OSBPL11: variants seen among roughly 807,000 people sequenced by gnomAD.
OSBPL11 encodes the protein oxysterol-binding protein-related protein 11.
A neutral mutation model predicts 84.4 loss-of-function variants in OSBPL11; 33 were observed. That is an observed-to-expected ratio of 0.39 (90% CI 0.30 to 0.52). The LOEUF (loss-of-function observed/expected upper bound fraction) is 0.52. OSBPL11 is among the 20% of genes least tolerant of loss of function. The pLI is 0.72. For synonymous variants in OSBPL11, 276 were observed against 310.2 expected, an observed-to-expected ratio of 0.89 and a Z score of 1.16; for missense variants, 736 against 901.1, an observed-to-expected ratio of 0.82 and a Z score of 2.35.
chr3:125,563,681 T>C lies in OSBPL11; in HGVS notation c.1014+17A>G. The C allele has an allele frequency of 1.2e-6, 2 of 1,609,202 alleles. No homozygotes were observed. The highest frequency in any genetic ancestry group is 1.7e-6 in the Non-Finnish European group (2 of 1,178,982). On this transcript the variant is annotated intron_variant, in intron 7 of 12. Coordinates refer to ENST00000296220, the MANE Select transcript of OSBPL11 (RefSeq NM_022776.5). ...CCTAATTTTTCACATCAAAATCATA[T>C]TTTTATATTACCTTACCCTCGCTAA...
In OSBPL11 at chr3:125,552,508, C is replaced by T; in HGVS notation, c.1327G>A (p.Ala443Thr). ...LTSFHEGRKG[A>T]IAKKPYNPII... Reference sequence around the variant, plus strand: ...GGATTGTATGGTTTTTTAGCAATGGCTCCCTTACGGCCTTCATGAAATGAG... The same window carrying T: ...GGATTGTATGGTTTTTTAGCAATGGTTCCCTTACGGCCTTCATGAAATGAG... Residue 443 changes from alanine to threonine, a missense_variant, in exon 9 of 13, where the codon GCC becomes ACC. Ala to Thr is a moderately conservative substitution (Grantham distance 58). Transcript: ENST00000296220. 1 of 1,614,202 alleles carries T rather than the reference C, an allele frequency of 6.2e-7. No homozygotes were observed. Among genetic ancestry groups the T allele is most frequent in the Non-Finnish European group, 8.5e-7 (1 of 1,180,034 alleles).
intron 3 of OSBPL11, 27 bp downstream of exon 3, chr3:125,579,822 AAAGAGGAAAATCACAG>A (rs1177592524): frequency 6.3e-7 from 1 of 1,586,300 alleles, no homozygotes; most frequent in Non-Finnish European, 8.6e-7. Flanking sequence ...CTTCTCAAAA[AAAGAGGAAAATCACAG>A]TATTAATTCT....
chr3:125,570,513 G>C (rs1936228265), intron 5 of OSBPL11, among the ~76,000 whole-genome samples: 1 of 152,022 alleles, frequency 6.6e-6, no homozygotes, highest in Non-Finnish European at 1.5e-5. Flanking sequence ...CAAAAACAAA[G>C]TACATATATG....
intron 4 of OSBPL11, among the ~76,000 whole-genome samples, chr3:125,577,632 A>C (rs761057715): frequency 3.3e-5 from 5 of 152,054 alleles, no homozygotes; most frequent in Non-Finnish European, 7.4e-5. Context: ...GTTCGAGACC[A>C]GCCTGGCCAA....
chr3:125,571,885 C>T (rs552046565), intron 5 of OSBPL11, among the ~76,000 whole-genome samples: 1 of 152,368 alleles, frequency 6.6e-6, no homozygotes, highest in South Asian at 2.1e-4. Flanking sequence ...AGAGTCCCTA[C>T]TGGGGTACCA....
At position 125,529,241 on chromosome 3, in the gene OSBPL11, GTGT is replaced by G. The variant is rs1935521490; in HGVS notation, c.*1271_*1273del. ...AAATTAAGGTAGCTTGCAGTAACAA[GTGT>G]TGAGCACCATAATAAGTAGGTGCTC... On this transcript the variant is annotated 3_prime_UTR_variant, in exon 13 of 13. Transcript: ENST00000296220. 6.6e-6 allele frequency: 1 copy of G among 152,528 alleles called. No homozygotes were observed. The highest frequency in any genetic ancestry group is 2.4e-5 in the African/African-American group (1 of 41,436). The allele number at this position is 152,528 out of a possible 1,614,324, so 9.4% of individuals were successfully genotyped here. A position where few individuals can be genotyped will look rare whatever the true frequency, so the allele number is the denominator to read the frequency against.
intron 2 of OSBPL11, among the ~76,000 whole-genome samples, chr3:125,580,658 A>T (rs1182497383): frequency 6.6e-6 from 1 of 152,128 alleles, no homozygotes; most frequent in African/African-American, 2.4e-5. Flanking sequence ...TTTCAGAGAC[A>T]GATTTTTCCC....
intron 7 of OSBPL11, 90 bp from the exon 8 acceptor site, chr3:125,560,609 T>A: frequency 8.3e-7 from 1 of 1,204,078 alleles, no homozygotes; most frequent in Non-Finnish European, 1.1e-6. Context: ...CTTGAAGACA[T>A]TTGTATTTGA....
chr3:125,541,239 G>A (rs1304992174), intron 10 of OSBPL11, among the ~76,000 whole-genome samples: 1 of 152,172 alleles, frequency 6.6e-6, no homozygotes, highest in East Asian at 1.9e-4. Context: ...AAGACTGTAA[G>A]CTCTTTAACA....
At chr3:125,554,756 A>G (rs1029632470) in intron 8 of OSBPL11, among the ~76,000 whole-genome samples, 1 of 152,170 alleles carries the variant, frequency 6.6e-6, no homozygotes, top group Non-Finnish European at 1.5e-5. Context: ...AAAAGTCAAA[A>G]GAAGAGTTAA....
chr3:125,538,464 G>T lies in OSBPL11; in HGVS notation c.2011C>A (p.Pro671Thr). 2 of 1,613,446 alleles carry T rather than the reference G, an allele frequency of 1.2e-6. No individual in the cohort carries two copies. The highest frequency in any genetic ancestry group is 1.7e-6 in the Non-Finnish European group (2 of 1,179,640). Reference sequence around the variant, plus strand: ...AGGATGACATACCTGGATTCAAATGGATCCTGCTTCTCCAGAGGTCTCACT... The same window carrying T: ...AGGATGACATACCTGGATTCAAATGTATCCTGCTTCTCCAGAGGTCTCACT... ...KRVRPLEKQD[P>T]FESRRLWKNV... Residue 671 changes from proline to threonine, a missense_variant, in exon 11 of 13, where the codon CCA becomes ACA. By Grantham distance (38) the Pro-to-Thr change is conservative. This residue lies in a region of OSBPL11 where 579 missense variants were observed against 717.6 expected (regional missense o/e 0.81). Transcript: ENST00000296220.
At chr3:125,566,531 CAG>C (rs1181237115) in intron 6 of OSBPL11, among the ~76,000 whole-genome samples, 6 of 152,130 alleles carry the variant, frequency 3.9e-5, no homozygotes, top group Non-Finnish European at 8.8e-5. Context: ...GTCTCCTGAG[CAG>C]AGACTCTACC....
At chr3:125,555,554 C>T (rs1935980395) in intron 8 of OSBPL11, among the ~76,000 whole-genome samples, 2 of 152,060 alleles carry the variant, frequency 1.3e-5, no homozygotes, top group Admixed American at 6.6e-5. Flanking sequence ...ATCAATGTCA[C>T]AATACCAAGA....
At chr3:125,564,971 AT>A (rs1271569676) in intron 6 of OSBPL11, among the ~76,000 whole-genome samples, 1 of 152,182 alleles carries the variant, frequency 6.6e-6, no homozygotes, top group East Asian at 1.9e-4. Flanking sequence ...GAAATTTAGT[AT>A]TTAATTAATC....
At chr3:125,548,217 T>C (rs1227188203) in intron 9 of OSBPL11, among the ~76,000 whole-genome samples, 1 of 152,076 alleles carries the variant, frequency 6.6e-6, no homozygotes, top group African/African-American at 2.4e-5. Context: ...TCAGTCAGAG[T>C]TTAAGACAAT....
At chr3:125,530,749 T>A (rs1165439888) in intron 12 of OSBPL11, among the ~76,000 whole-genome samples, 169 bp from the exon 13 acceptor site, 2 of 152,134 alleles carry the variant, frequency 1.3e-5, no homozygotes, top group African/African-American at 2.4e-5. Flanking sequence ...ATGCCTGTGG[T>A]TTAGCTAGGA....
chr3:125,543,878 C>T (rs1037817436), intron 10 of OSBPL11, among the ~76,000 whole-genome samples: 5 of 151,668 alleles, frequency 3.3e-5, no homozygotes, highest in East Asian at 1.9e-4. Context: ...CCAGCCTGGG[C>T]GACAGAGTGA....
chr3:125,572,214 G>C (rs1277945166), intron 5 of OSBPL11, among the ~76,000 whole-genome samples: 2 of 152,176 alleles, frequency 1.3e-5, no homozygotes, highest in African/African-American at 4.8e-5. Context: ...CTCCCATTTG[G>C]AATGGCTGTA....
intron 5 of OSBPL11, 71 bp downstream of exon 5, chr3:125,576,118 G>A: frequency 2.1e-6 from 3 of 1,414,638 alleles, no homozygotes; most frequent in Non-Finnish European, 1.9e-6. Context: ...CAGTATTTAA[G>A]TTTTTTTGTG....
Sources: allele counts gnomAD v4.1 joint callset (sites outside exome capture counted in the v4.1 genomes callset), GRCh38; gene constraint gnomAD v4.1.1; regional missense constraint gnomAD v4.1.1; transcripts MANE v1.5; gene names NCBI Gene and HGNC (gene_info 2026-07-23, HGNC 2026-07-21).